The following TASP1 variants were observed in gnomAD, a reference collection of about 807,000 sequenced individuals.
TASP1 encodes the protein taspase 1.
TASP1 carries 16 observed loss-of-function variants against 56.6 expected under a neutral mutation model. The ratio of observed to expected loss-of-function variants is 0.28; its 90% CI spans 0.19 to 0.43. The LOEUF (loss-of-function observed/expected upper bound fraction) is 0.43. TASP1 is among the 20% of genes least tolerant of loss of function. TASP1 has a pLI of 1.00. For synonymous variants in TASP1, 179 were observed against 184.2 expected, an observed-to-expected ratio of 0.97 and a Z score of 0.23; for missense variants, 393 against 511.6, an observed-to-expected ratio of 0.77 and a Z score of 2.24.
At chr20:13,403,825 T>C (rs1203345114) in intron 13 of TASP1, among the ~76,000 whole-genome samples, 1 of 152,056 alleles carries the variant, frequency 6.6e-6, no homozygotes, top group Non-Finnish European at 1.5e-5. Flanking sequence ...GAGGTTACAG[T>C]GAGCCATAAT....
At chr20:13,578,934 T>C (rs1187882214) in intron 6 of TASP1, among the ~76,000 whole-genome samples, 19 of 152,210 alleles carry the variant, frequency 1.2e-4, no homozygotes, top group Admixed American at 6.5e-4. Flanking sequence ...TGTACACTTG[T>C]TCCTCCATAT....
intron 10 of TASP1, among the ~76,000 whole-genome samples, chr20:13,517,797 T>C (rs1601090868): frequency 6.6e-6 from 1 of 152,156 alleles, no homozygotes; most frequent in East Asian, 1.9e-4. Context: ...ACTTTACTTA[T>C]ATAAAAAGCA....
the TASP1 span, among the ~76,000 whole-genome samples, chr20:13,119,274 A>C: frequency 1.3e-5 from 2 of 152,210 alleles, no homozygotes. Context: ...CCAATTCTTG[A>C]AATGTTGTCA....
chr20:13,479,516 G>A (rs916529134), intron 11 of TASP1, among the ~76,000 whole-genome samples: 2 of 150,022 alleles, frequency 1.3e-5, no homozygotes, highest in African/African-American at 4.9e-5. Flanking sequence ...AGGCTGGAGT[G>A]CAGTAGCACA....
the TASP1 span, among the ~76,000 whole-genome samples, chr20:13,313,505 T>G: frequency 6.6e-5 from 10 of 152,186 alleles, no homozygotes; most frequent in African/African-American, 2.4e-4. Context: ...TACAACACTT[T>G]CCTTTTTCTT....
chr20:13,244,169 A>G, the TASP1 span: 1 of 152,186 alleles, frequency 6.6e-6, no homozygotes. Context: ...CAGAGAGAAA[A>G]CTTGCCTCAA....
At chr20:13,201,517 A>T in the TASP1 span, among the ~76,000 whole-genome samples, 4 of 152,110 alleles carry the variant, frequency 2.6e-5, no homozygotes, top group African/African-American at 9.7e-5. Flanking sequence ...TTGTCAATCA[A>T]CTAAAAAAGA....
chr20:13,563,233 T>C (rs575836832), intron 7 of TASP1, among the ~76,000 whole-genome samples: 211 of 151,640 alleles, frequency 1.4e-3, no homozygotes, highest in Middle Eastern at 3.4e-3. Context: ...CAAGACTGCA[T>C]CATGAAGAAA....
the TASP1 span, among the ~76,000 whole-genome samples, chr20:13,352,115 G>A: frequency 6.6e-6 from 1 of 152,148 alleles, no homozygotes; most frequent in African/African-American, 2.4e-5. Flanking sequence ...CTAGAATAAT[G>A]AGAAATCAAA....
the TASP1 span, among the ~76,000 whole-genome samples, chr20:13,316,874 C>CT: frequency 1.3e-5 from 2 of 151,634 alleles, no homozygotes; most frequent in Non-Finnish European, 3.0e-5. Flanking sequence ...AGATTAGGTA[C>CT]AAAGCAAAAA....
chr20:13,127,257 T>G, the TASP1 span, among the ~76,000 whole-genome samples: 1 of 152,240 alleles, frequency 6.6e-6, no homozygotes, highest in Admixed American at 6.5e-5. Context: ...ATTAATCCTC[T>G]TTTTGAAAAA....
intron 6 of TASP1, among the ~76,000 whole-genome samples, chr20:13,573,270 T>C (rs2046781407): frequency 6.6e-6 from 1 of 152,160 alleles, no homozygotes; most frequent in African/African-American, 2.4e-5. Flanking sequence ...ACCCCCAAGG[T>C]ATTGGGATTG....
chr20:13,297,047 A>G, the TASP1 span, among the ~76,000 whole-genome samples: 1,363 of 151,286 alleles, frequency 9.0e-3, 18 homozygotes, highest in African/African-American at 0.031. Flanking sequence ...CCAAAAAAAA[A>G]GATGTATTTT....
chr20:13,493,125 GATTAAAACCT>G (rs1220461962), intron 10 of TASP1, among the ~76,000 whole-genome samples: 2 of 151,916 alleles, frequency 1.3e-5, no homozygotes, highest in Non-Finnish European at 2.9e-5. Context: ...TACTTTCACA[GATTAAAACCT>G]TTTTGAAAAA....
chr20:13,468,210 C>T (rs7354110), intron 11 of TASP1, among the ~76,000 whole-genome samples: 1 of 151,356 alleles, frequency 6.6e-6, no homozygotes, highest in African/African-American at 2.4e-5. Context: ...TTAAAACAAA[C>T]AAAGATACTC....
At chr20:13,223,981 C>T in the TASP1 span, among the ~76,000 whole-genome samples, 3 of 152,016 alleles carry the variant, frequency 2.0e-5, no homozygotes, top group Non-Finnish European at 4.4e-5. Context: ...AGAGAAGCAG[C>T]TGGTGGAAGT....
chr20:13,528,294 T>A, intron 10 of TASP1, 139 bp downstream of exon 10: 1 of 394,786 alleles, frequency 2.5e-6, no homozygotes, highest in Non-Finnish European at 4.5e-6. Flanking sequence ...CCTTAAAACC[T>A]CGCAAATACT....
chr20:13,210,357 T>C, the TASP1 span, among the ~76,000 whole-genome samples: 4,933 of 152,314 alleles, frequency 0.032, 130 homozygotes, highest in Admixed American at 0.072. Context: ...TTTGGCTGTC[T>C]GTATACTTCT....
the TASP1 span, among the ~76,000 whole-genome samples, chr20:13,178,678 T>C: frequency 3.4e-5 from 5 of 146,450 alleles, no homozygotes; most frequent in African/African-American, 1.3e-4. Context: ...TTCTCACTCA[T>C]ATATGGAAGC....
Sources: allele counts gnomAD v4.1 joint callset (sites outside exome capture counted in the v4.1 genomes callset), GRCh38; gene constraint gnomAD v4.1.1; transcripts MANE v1.5; gene names NCBI Gene and HGNC (gene_info 2026-07-23, HGNC 2026-07-21).